Variants in CGGBP1 observed in about 807,000 individuals in gnomAD.
CGGBP1 encodes the protein CGG triplet repeat-binding protein 1.
Under a neutral mutation model 11.4 loss-of-function variants are expected in CGGBP1, and 4 were observed. That is an observed-to-expected ratio of 0.35 (90% CI 0.17 to 0.80). The LOEUF (loss-of-function observed/expected upper bound fraction) is 0.80, where lower values mean the gene tolerates loss of function less well. Among genes scored for constraint, CGGBP1 ranks in the 30% least tolerant of loss-of-function variants. The probability of loss-of-function intolerance (pLI) is 0.52; values close to 1 mark genes in which losing one functional copy is unlikely to be tolerated. For synonymous variants in CGGBP1, 76 were observed against 74.1 expected (o/e 1.03, Z -0.13); for missense variants, 135 against 202.1 (o/e 0.67, Z 2.01).
chr3:88,129,187 T>C (rs954089912), intron 2 of CGGBP1: 3 of 531,834 alleles, frequency 5.6e-6, no homozygotes, highest in Admixed American at 3.6e-5. Flanking sequence ...TCATGTTGAA[T>C]TAGTCAAAAT....
At chr3:88,063,401 GA>G (rs1707000037), upstream of CGGBP1, among the ~76,000 whole-genome samples, 2 of 152,136 alleles carry the variant, frequency 1.3e-5, no homozygotes, top group Non-Finnish European at 2.9e-5. Context: ...TGCCTTAAGA[GA>G]TGGTATTCAC....
At chr3:88,084,551 A>G (rs1206677321) in intron 2 of CGGBP1, among the ~76,000 whole-genome samples, 7 of 152,188 alleles carry the variant, frequency 4.6e-5, no homozygotes, top group African/African-American at 1.7e-4. Flanking sequence ...ACGAGATACA[A>G]GTTCAGAGAC....
At chr3:88,109,650 C>T (rs1450048929) in intron 2 of CGGBP1, among the ~76,000 whole-genome samples, 1 of 152,078 alleles carries the variant, frequency 6.6e-6, no homozygotes, top group East Asian at 1.9e-4. Flanking sequence ...TAGACCTGCA[C>T]AGTTTAAATC....
intron 2 of CGGBP1, among the ~76,000 whole-genome samples, chr3:88,075,835 G>C (rs1707771724): frequency 6.6e-6 from 1 of 152,062 alleles, no homozygotes; most frequent in South Asian, 2.1e-4. Context: ...AAGTCAAGGA[G>C]TTCCAAGTGC....
chr3:88,073,756 T>TA lies in CGGBP1; in HGVS notation c.-228-15534dup, dbSNP rs34990621. 3.0e-3 allele frequency among the ~76,000 whole-genome samples: 460 copies of TA among 152,238 alleles called. 3 individuals are homozygous for TA. Among genetic ancestry groups the TA allele is most frequent in the African/African-American group, 0.011 (441 of 41,550 alleles). On this transcript the variant is annotated intron_variant, in intron 2 of 3. Coordinates refer to the CGGBP1 transcript ENST00000462901. ...GTTTGAAGAGTTAGTGCATTCTTCT[T>TA]AAAAAAAGGAAGAGTAAAAATTGTT...
chr3:88,111,302 T>A (rs1705076688), intron 2 of CGGBP1, among the ~76,000 whole-genome samples: 2 of 152,014 alleles, frequency 1.3e-5, no homozygotes, highest in South Asian at 4.1e-4. Context: ...TTCTGACCCC[T>A]AGTTCTTATT....
intron 2 of CGGBP1, among the ~76,000 whole-genome samples, chr3:88,113,733 G>C (rs4384978): frequency 0.78 from 119,037 of 151,916 alleles, 47,548 homozygotes; most frequent in South Asian, 0.91. Flanking sequence ...TGACCCACTC[G>C]GTGAAGTAAA....
At position 88,058,911 on chromosome 3, in the gene CGGBP1, G is replaced by A. The variant is rs1457478856; in HGVS notation, c.-427C>T. On this transcript the variant is annotated 5_prime_UTR_variant, in exon 1 of 4. Transcript: ENST00000482016. ...GGAGCAAGGGAATAAGGGAGGAGGA[G>A]GATCCGTCGCTGCCGCCGTCGCCGC... 1.1e-5 allele frequency: 2 copies of A among 186,814 alleles called. No homozygotes were observed. The highest frequency in any genetic ancestry group is 1.1e-5 in the Non-Finnish European group (1 of 91,552). The allele number at this position is 186,814 out of a possible 1,614,324, so 11.6% of individuals were successfully genotyped here.
At chr3:88,095,671 C>A in intron 2 of CGGBP1, 1 of 467,762 alleles carries the variant, frequency 2.1e-6, no homozygotes, top group Non-Finnish European at 4.2e-6. Flanking sequence ...CTTTTTTGGA[C>A]TTGATACTGT....
chr3:88,126,576 CATCTT>C (rs1352336149), intron 2 of CGGBP1, among the ~76,000 whole-genome samples: 2 of 108,308 alleles, frequency 1.8e-5, no homozygotes, highest in Non-Finnish European at 3.6e-5. Context: ...TAAGTAGAAA[CATCTT>C]TTTTTTTTTT....
At chr3:88,094,751 C>T (rs1464152532) in intron 2 of CGGBP1, among the ~76,000 whole-genome samples, 3 of 151,920 alleles carry the variant, frequency 2.0e-5, no homozygotes, top group African/African-American at 4.8e-5. Flanking sequence ...TAATCTTGTG[C>T]TAAGTCAGAT....
At position 88,053,878 on chromosome 3, in the gene CGGBP1, C is replaced by A. The variant is rs1198018903; in HGVS notation, c.*1595G>T. On this transcript the variant is annotated 3_prime_UTR_variant, in exon 4 of 4. Coordinates refer to ENST00000482016, the MANE Select transcript of CGGBP1 (RefSeq NM_001008390.2). Reference sequence around the variant, plus strand: ...CATTTATCATACTACTTTAACATAACTGAACATGAGGAAAACAGTTCACAT... The same window carrying A: ...CATTTATCATACTACTTTAACATAAATGAACATGAGGAAAACAGTTCACAT... 2 of 152,528 alleles carry A rather than the reference C, an allele frequency of 1.3e-5. No individual in the cohort carries two copies. The highest frequency in any genetic ancestry group is 2.4e-5 in the African/African-American group (1 of 41,428). 9.4% of individuals were successfully genotyped at this position (152,528 alleles called of 1,614,324 possible).
chr3:88,097,377 A>C (rs1192488803), intron 2 of CGGBP1, among the ~76,000 whole-genome samples: 2 of 151,710 alleles, frequency 1.3e-5, no homozygotes, highest in Non-Finnish European at 2.9e-5. Flanking sequence ...TTTTTTTTTA[A>C]ATAATGGGAG....
chr3:88,067,921 TACACTTAA>T (rs1457813855), intron 2 of CGGBP1, among the ~76,000 whole-genome samples: 6 of 151,984 alleles, frequency 3.9e-5, no homozygotes, highest in African/African-American at 1.5e-4. Flanking sequence ...GTGAACTGTG[TACACTTAA>T]AATCTGGTGA....
intron 2 of CGGBP1, among the ~76,000 whole-genome samples, chr3:88,077,458 G>A (rs1238288767): frequency 6.6e-6 from 1 of 151,356 alleles, no homozygotes; most frequent in Non-Finnish European, 1.5e-5. Flanking sequence ...TCAGCCTCCC[G>A]AGGAGGTGGG....
At chr3:88,103,828 G>A (rs567297577) in intron 2 of CGGBP1, among the ~76,000 whole-genome samples, 92 of 140,566 alleles carry the variant, frequency 6.5e-4, no homozygotes, top group African/African-American at 2.1e-3. Flanking sequence ...GTGCATTGGC[G>A]CCATCTTGGC....
At chr3:88,138,861 A>G (rs1305104419) in intron 2 of CGGBP1, 17 of 1,231,938 alleles carry the variant, frequency 1.4e-5, no homozygotes, top group Non-Finnish European at 1.6e-5. Context: ...TGCACTCTCA[A>G]TATTTTTTCT....
intron 2 of CGGBP1, among the ~76,000 whole-genome samples, chr3:88,136,590 T>C (rs1006936772): frequency 2.0e-5 from 3 of 152,160 alleles, no homozygotes; most frequent in African/African-American, 4.8e-5. Flanking sequence ...TACAGAGCAC[T>C]TTTTCCTCAT....
rs1218844627 is a variant in CGGBP1 at position 88,054,041 on chromosome 3, A to G, written c.*1432T>C. 2.0e-5 allele frequency: 3 copies of G among 152,634 alleles called. No individual in the cohort carries two copies. The highest frequency in any genetic ancestry group is 4.4e-5 in the Non-Finnish European group (3 of 67,996). The allele number at this position is 152,634 out of a possible 1,614,324, so 9.5% of individuals were successfully genotyped here. A position where few individuals can be genotyped will look rare whatever the true frequency, so the allele number is the denominator to read the frequency against. ...CTTAAGACATGGAAAGCTGTTACTGAAAAATACACAATCTAACTTTTTTTC... is the reference window on the plus strand; with the variant it reads ...CTTAAGACATGGAAAGCTGTTACTGGAAAATACACAATCTAACTTTTTTTC... On this transcript the variant is annotated 3_prime_UTR_variant, in exon 4 of 4. Transcript: ENST00000482016.
Sources: gnomAD v4.1 joint callset for allele counts (sites outside exome capture counted in the v4.1 genomes callset) on GRCh38, gnomAD v4.1.1 for gene constraint, MANE v1.5 for transcripts, NCBI Gene and HGNC (gene_info 2026-07-23, HGNC 2026-07-21) for gene names.